The following PREX1 variants were observed in gnomAD, a reference collection of about 807,000 sequenced individuals.
PREX1 encodes the protein phosphatidylinositol 3,4,5-trisphosphate-dependent Rac exchanger 1 protein.
PREX1 carries 41 observed loss-of-function variants against 198.3 expected under a neutral mutation model. The observed-to-expected ratio is 0.21, with a 90% confidence interval of 0.16 to 0.27. PREX1 has a LOEUF of 0.27. Ranked by LOEUF, PREX1 falls within the 10% of genes least tolerant of loss-of-function variation. The probability of loss-of-function intolerance (pLI) is 1.00; values close to 1 mark genes in which losing one functional copy is unlikely to be tolerated. For synonymous variants in PREX1, 843 were observed against 887.2 expected (o/e 0.95, Z 0.89); for missense variants, 1,620 against 2,200.7 (o/e 0.74, Z 5.28).
intron 3 of PREX1, among the ~76,000 whole-genome samples, chr20:48,744,789 A>G (rs1350734774): frequency 6.6e-6 from 1 of 152,144 alleles, no homozygotes; most frequent in African/African-American, 2.4e-5. Context: ...GTGAGGGCCC[A>G]CCCTCTATGT....
the PREX1 span, among the ~76,000 whole-genome samples, chr20:48,850,127 T>G: frequency 2.6e-5 from 4 of 152,216 alleles, no homozygotes; most frequent in African/African-American, 7.2e-5. Context: ...TATCTACTGT[T>G]ATTATTCAAC....
intron 2 of PREX1, among the ~76,000 whole-genome samples, chr20:48,746,948 AC>A (rs1468790542): frequency 0.023 from 13 of 568 alleles, no homozygotes; most frequent in Non-Finnish European, 0.039. Context: ...ATGAACACAC[AC>A]ACACACACAC....
intron 3 of PREX1, among the ~76,000 whole-genome samples, chr20:48,737,472 C>T (rs2090062198): frequency 6.6e-6 from 1 of 152,056 alleles, no homozygotes; most frequent in African/African-American, 2.4e-5. Context: ...GGGTCAGCGG[C>T]CACTGGCAGA....
intron 1 of PREX1, among the ~76,000 whole-genome samples, chr20:48,774,006 T>C (rs2090249304): frequency 6.6e-6 from 1 of 151,844 alleles, no homozygotes; most frequent in Non-Finnish European, 1.5e-5. Context: ...TTCTGAGAGA[T>C]GGGATGTGAG....
At chr20:48,802,925 G>A (rs911746884) in intron 1 of PREX1, among the ~76,000 whole-genome samples, 12 of 152,180 alleles carry the variant, frequency 7.9e-5, no homozygotes, top group African/African-American at 2.9e-4. Context: ...GCAAGCCAAG[G>A]GGGGCTTTCC....
the PREX1 span, among the ~76,000 whole-genome samples, chr20:48,876,903 T>C: frequency 1.3e-5 from 2 of 152,198 alleles, no homozygotes; most frequent in African/African-American, 2.4e-5. Context: ...GGGCTCAGTC[T>C]ACCTGTCACC....
Position 48,664,122 on chromosome 20 carries a change from C to T in PREX1, c.1738+2161G>A, listed in dbSNP as rs577041958. On this transcript the variant is annotated intron_variant, in intron 15 of 39. Transcript: ENST00000371941. ...GGGCGCGGTGGCTCACGCCTGTAAT[C>T]CCAGCACTTTGGGAAGCCAAGGCGG... Among the ~76,000 whole-genome samples, 6 of 152,298 alleles carry T rather than the reference C, an allele frequency of 3.9e-5. No individual in the cohort carries two copies. The South Asian group carries it at 6.2e-4, about 16-fold the overall frequency.
the PREX1 span, among the ~76,000 whole-genome samples, chr20:48,849,095 CAA>C: frequency 1.5e-4 from 20 of 131,096 alleles, no homozygotes; most frequent in African/African-American, 1.4e-4. Context: ...GACCCTGTCT[CAA>C]AAAAAAAAAA....
intron 5 of PREX1, among the ~76,000 whole-genome samples, chr20:48,710,661 T>G (rs1367345669): frequency 6.6e-6 from 1 of 152,216 alleles, no homozygotes; most frequent in Non-Finnish European, 1.5e-5. Flanking sequence ...AATACTTTCC[T>G]CTCAAATAAA....
chr20:48,792,685 A>C (rs1242657084), intron 1 of PREX1, among the ~76,000 whole-genome samples: 1 of 152,032 alleles, frequency 6.6e-6, no homozygotes, highest in Admixed American at 6.5e-5. Context: ...CAAAACCCAA[A>C]TGTCCATCAG....
At chr20:48,659,774 G>T in intron 16 of PREX1, 145 bp downstream of exon 16, 1 of 1,129,870 alleles carries the variant, frequency 8.9e-7, no homozygotes, top group Non-Finnish European at 1.2e-6. Context: ...CTTCTTGGCA[G>T]AGTTGCCCCC....
At chr20:48,864,367 C>A in the PREX1 span, among the ~76,000 whole-genome samples, 1 of 152,200 alleles carries the variant, frequency 6.6e-6, no homozygotes, top group Non-Finnish European at 1.5e-5. Context: ...ATATTCCAGA[C>A]AGACAATAAC....
intron 15 of PREX1, among the ~76,000 whole-genome samples, chr20:48,660,530 C>T (rs1189571869): frequency 1.3e-5 from 2 of 152,190 alleles, no homozygotes; most frequent in Non-Finnish European, 2.9e-5. Flanking sequence ...CAACAATAAG[C>T]TAATGGATTA....
intron 3 of PREX1, among the ~76,000 whole-genome samples, chr20:48,742,757 G>A (rs984935781): frequency 1.3e-5 from 2 of 152,154 alleles, no homozygotes; most frequent in Non-Finnish European, 2.9e-5. Flanking sequence ...CTGCATCTCT[G>A]AGCAAGTCAG....
the PREX1 span, among the ~76,000 whole-genome samples, chr20:48,845,293 A>G: frequency 6.6e-6 from 1 of 152,254 alleles, no homozygotes; most frequent in South Asian, 2.1e-4. Context: ...ATGTTCTCAT[A>G]GAAAAATACA....
At chr20:48,640,918 GT>G (rs1013955769) in intron 29 of PREX1, among the ~76,000 whole-genome samples, 1 of 151,458 alleles carries the variant, frequency 6.6e-6, no homozygotes, top group Non-Finnish European at 1.5e-5. Flanking sequence ...TAGATGGTAA[GT>G]GGGTAGTTGG....
At chr20:48,693,688 C>G (rs1242590485) in intron 7 of PREX1, among the ~76,000 whole-genome samples, 1 of 152,062 alleles carries the variant, frequency 6.6e-6, no homozygotes, top group Non-Finnish European at 1.5e-5. Context: ...CTCACTGCAA[C>G]CTCCGCCTGC....
chr20:48,799,955 G>A (rs891808324), intron 1 of PREX1, among the ~76,000 whole-genome samples: 1 of 152,186 alleles, frequency 6.6e-6, no homozygotes, highest in Non-Finnish European at 1.5e-5. Flanking sequence ...AGGGGGCCTT[G>A]GGGGACTTTG....
intron 33 of PREX1, 114 bp downstream of exon 33, chr20:48,634,562 C>T (rs1472041718): frequency 2.9e-6 from 3 of 1,034,144 alleles, no homozygotes; most frequent in South Asian, 1.5e-5. Context: ...GAGTACTGAG[C>T]CCACCTTGGG....
Sources: gnomAD v4.1 joint callset for allele counts (sites outside exome capture counted in the v4.1 genomes callset) on GRCh38, gnomAD v4.1.1 for gene constraint, MANE v1.5 for transcripts, NCBI Gene and HGNC (gene_info 2026-07-23, HGNC 2026-07-21) for gene names.